Variants in ACTR3 observed in about 807,000 individuals in gnomAD.
ACTR3 encodes actin-related protein 3.
ACTR3 carries 12 observed loss-of-function variants against 56.8 expected under a neutral mutation model. That is an observed-to-expected ratio of 0.21 (90% CI 0.14 to 0.34). The LOEUF is 0.34. ACTR3 is among the 10% of genes least tolerant of loss of function. The probability of loss-of-function intolerance (pLI) is 1.00; values close to 1 mark genes in which losing one functional copy is unlikely to be tolerated. For missense variants in ACTR3, 282 were observed against 512.5 expected (o/e 0.55, Z 4.34); for synonymous variants, 162 against 167.4 (o/e 0.97, Z 0.25).
intron 4 of ACTR3, among the ~76,000 whole-genome samples, chr2:113,928,162 T>G (rs551404272): frequency 1.3e-5 from 2 of 152,314 alleles, no homozygotes; most frequent in South Asian, 2.1e-4. Flanking sequence ...CTCCTCGCAT[T>G]GTAGTTACAT....
chr2:113,903,428 G>A (rs1462310255), intron 1 of ACTR3, among the ~76,000 whole-genome samples: 3 of 150,674 alleles, frequency 2.0e-5, no homozygotes, highest in African/African-American at 7.3e-5. Flanking sequence ...GTGCAGTGGC[G>A]CAGCCTTGGC....
At chr2:113,951,171 A>G (rs377168440) in intron 8 of ACTR3, 44 of 184,092 alleles carry the variant, frequency 2.4e-4, no homozygotes, top group African/African-American at 9.4e-4. Flanking sequence ...ATTATTCTCC[A>G]TAGTGGTTAC....
intron 1 of ACTR3, among the ~76,000 whole-genome samples, chr2:113,911,945 T>C (rs13422248): frequency 0.3 from 45,235 of 151,718 alleles, 11,080 homozygotes; most frequent in African/African-American, 0.67. Flanking sequence ...CCATGTTGGT[T>C]AGGCTGGTCT....
intron 6 of ACTR3, 63 bp downstream of exon 6, chr2:113,934,449 T>C: frequency 9.2e-7 from 1 of 1,082,796 alleles, no homozygotes; most frequent in Non-Finnish European, 1.3e-6. Context: ...AGTTAAATTA[T>C]ACGAATTAAT....
At position 113,960,357 on chromosome 2, in the gene ACTR3, TG is replaced by T. The variant is rs1680304365; in HGVS notation, c.*2903del. 1 of 152,030 alleles carries T rather than the reference TG, an allele frequency of 6.6e-6. No homozygotes were observed. Among genetic ancestry groups the T allele is most frequent in the Non-Finnish European group, 1.5e-5 (1 of 67,904 alleles). The allele number at this position is 152,030 out of a possible 1,614,324, so 9.4% of individuals were successfully genotyped here. ...GACCCCCCAATACAATTTTTTGGTT[TG>T]TTTTCACAGCTACTTAAAAGATTAA... is the stretch of plus-strand genomic sequence containing the variant. On this transcript the variant is annotated 3_prime_UTR_variant, in exon 12 of 12. Transcript: ENST00000263238.
chr2:113,947,141 A>G (rs1200033721), intron 8 of ACTR3, among the ~76,000 whole-genome samples: 1 of 152,210 alleles, frequency 6.6e-6, no homozygotes, highest in East Asian at 1.9e-4. Context: ...ATTTCATTTA[A>G]GGCACATCAA....
At chr2:113,911,306 TA>T (rs767030881) in intron 1 of ACTR3, among the ~76,000 whole-genome samples, 1 of 151,704 alleles carries the variant, frequency 6.6e-6, no homozygotes, top group Non-Finnish European at 1.5e-5. Context: ...TTTTTTTTTT[TA>T]AAACGTGAAC....
intron 8 of ACTR3, among the ~76,000 whole-genome samples, chr2:113,947,038 C>T (rs765383571): frequency 4.8e-4 from 73 of 152,110 alleles, no homozygotes; most frequent in Non-Finnish European, 9.6e-4. Flanking sequence ...AGTCAAGAGA[C>T]GGGAGAGATA....
intron 3 of ACTR3, among the ~76,000 whole-genome samples, chr2:113,923,398 C>T (rs925239528): frequency 6.6e-6 from 1 of 151,986 alleles, no homozygotes; most frequent in Non-Finnish European, 1.5e-5. Flanking sequence ...AGTGCAGTGG[C>T]GCGATCTCAG....
At position 113,916,991 on chromosome 2, in the gene ACTR3, C is replaced by T. The variant is rs1412840518; in HGVS notation, c.208C>T (p.Pro70Ser). 4 of 1,601,648 alleles carry T rather than the reference C, an allele frequency of 2.5e-6. No individual in the cohort carries two copies. The highest frequency in any genetic ancestry group is 3.5e-5 in the Admixed American group (2 of 57,654). ...CATTGGTGATGAAGCAATAGAAAAA[C>T]CTACATATGCAACAAAGGTATGTTT... The part of the protein sequence containing the change: ...FFIGDEAIEK[P>S]TYATKWPIRH... Residue 70 changes from proline (P) to serine (S), a missense_variant, in exon 3 of 12, where the codon CCT becomes TCT. Transcript: ENST00000263238.
intron 3 of ACTR3, among the ~76,000 whole-genome samples, chr2:113,925,829 A>C (rs978999319): frequency 6.6e-6 from 1 of 152,216 alleles, no homozygotes; most frequent in East Asian, 1.9e-4. Flanking sequence ...TTGATACTGC[A>C]AGGTATTTAT....
intron 1 of ACTR3, among the ~76,000 whole-genome samples, chr2:113,893,477 A>G (rs1678946041): frequency 6.6e-6 from 1 of 152,072 alleles, no homozygotes; most frequent in Non-Finnish European, 1.5e-5. Context: ...TCTTTTTAGT[A>G]GAGATGGGGT....
At chr2:113,955,752 T>A in intron 11 of ACTR3, 46 bp downstream of exon 11, 1 of 1,468,502 alleles carries the variant, frequency 6.8e-7, no homozygotes, top group Non-Finnish European at 9.4e-7. Context: ...TCATTATTAT[T>A]TTATTTATTT....
intron 1 of ACTR3, among the ~76,000 whole-genome samples, chr2:113,902,192 T>G (rs1245726185): frequency 2.0e-5 from 3 of 152,172 alleles, no homozygotes; most frequent in African/African-American, 4.8e-5. Context: ...GCCTTTTTTT[T>G]GGTATAAAAC....
chr2:113,902,692 C>T lies in ACTR3; in HGVS notation c.45-10480C>T, dbSNP rs143345230. On this transcript the variant is annotated intron_variant, in intron 1 of 11. Coordinates refer to ENST00000263238, the MANE Select transcript of ACTR3 (RefSeq NM_005721.5). ...TTGGCTCCCTGCAACCTCTTTCTCC[C>T]GGGTTCAAGTGATTCTCCTGCCTCA... Among the ~76,000 whole-genome samples, 178 of 152,078 alleles carry T rather than the reference C, an allele frequency of 1.2e-3. 1 individual carries two copies. The highest frequency in any genetic ancestry group is 4.1e-3 in the African/African-American group (168 of 41,476).
chr2:113,910,885 A>G (rs1384196855), intron 1 of ACTR3, among the ~76,000 whole-genome samples: 1 of 152,240 alleles, frequency 6.6e-6, no homozygotes, highest in Non-Finnish European at 1.5e-5. Context: ...GTGACAAATA[A>G]GAATAAAAGT....
chr2:113,938,052 G>A (rs529747798), intron 6 of ACTR3, among the ~76,000 whole-genome samples: 11 of 150,800 alleles, frequency 7.3e-5, no homozygotes, highest in African/African-American at 2.7e-4. Context: ...TCTTTTTTTT[G>A]GATAGTTTTT....
At chr2:113,916,356 CTTTTA>C (rs1293656986) in intron 2 of ACTR3, among the ~76,000 whole-genome samples, 1 of 151,938 alleles carries the variant, frequency 6.6e-6, no homozygotes, top group African/African-American at 2.4e-5. Flanking sequence ...TTGAGATTTC[CTTTTA>C]TATATGTAGT....
intron 1 of ACTR3, among the ~76,000 whole-genome samples, chr2:113,906,172 A>G (rs1231020055): frequency 6.6e-6 from 1 of 152,202 alleles, no homozygotes; most frequent in African/African-American, 2.4e-5. Flanking sequence ...TTTCTTGATA[A>G]TAGCCATCCT....
Sources: gnomAD v4.1 joint callset for allele counts (sites outside exome capture counted in the v4.1 genomes callset) on GRCh38, gnomAD v4.1.1 for gene constraint, MANE v1.5 for transcripts, NCBI Gene and HGNC (gene_info 2026-07-23, HGNC 2026-07-21) for gene names.